The following CHRM3 variants were observed in gnomAD, a reference collection of about 807,000 sequenced individuals.
The protein encoded by CHRM3 is muscarinic acetylcholine receptor M3.
In CHRM3, 11 loss-of-function variants were observed where a neutral mutation model predicts 41.8. The ratio of observed to expected loss-of-function variants is 0.26; its 90% CI spans 0.17 to 0.44. CHRM3 has a LOEUF of 0.44. Among genes scored for constraint, CHRM3 ranks in the 20% least tolerant of loss-of-function variants. The pLI is 1.00. For missense variants in CHRM3, 571 were observed against 745.4 expected, an observed-to-expected ratio of 0.77 and a Z score of 2.72; for synonymous variants, 297 against 301.4, an observed-to-expected ratio of 0.99 and a Z score of 0.15.
intron 5 of CHRM3, among the ~76,000 whole-genome samples, chr1:239,782,046 T>C (rs115437740): frequency 0.02 from 3,069 of 152,224 alleles, 93 homozygotes; most frequent in South Asian, 0.096. Context: ...TGCATCTATG[T>C]TCTTAAGCAA....
rs138993346 is a variant in CHRM3, at chr1:239,619,709, A to T, written c.-312-12515A>T. Among the ~76,000 whole-genome samples the T allele has an allele frequency of 5.2e-3, 795 of 152,118 alleles. 10 individuals are homozygous for T. Among genetic ancestry groups the T allele is most frequent in the African/African-American group, 0.019 (772 of 41,506 alleles). Reference sequence around the variant, plus strand: ...TTCCCCTTTAAAATTGGTTTCTCGAACCCCCATAAACACCATTATTTGGTC... The same window carrying T: ...TTCCCCTTTAAAATTGGTTTCTCGATCCCCCATAAACACCATTATTTGGTC... On this transcript the variant is annotated intron_variant, in intron 3 of 6. Transcript: ENST00000676153.
intron 2 of CHRM3, among the ~76,000 whole-genome samples, chr1:239,497,332 G>A (rs1667948417): frequency 6.6e-6 from 1 of 152,172 alleles, no homozygotes; most frequent in Non-Finnish European, 1.5e-5. Flanking sequence ...TTCATGAAGA[G>A]TAATAATGGC....
intron 3 of CHRM3, among the ~76,000 whole-genome samples, chr1:239,564,659 T>C (rs1161302557): frequency 6.6e-6 from 1 of 152,168 alleles, no homozygotes; most frequent in Non-Finnish European, 1.5e-5. Flanking sequence ...AGTTTTTAGG[T>C]AACAAATTGT....
intron 1 of CHRM3, among the ~76,000 whole-genome samples, chr1:239,459,604 G>A (rs916759674): frequency 6.6e-6 from 1 of 152,120 alleles, no homozygotes; most frequent in African/African-American, 2.4e-5. Context: ...TTAAATGAAA[G>A]CAACATTCAT....
chr1:239,478,831 C>T (rs1465479417), intron 1 of CHRM3, among the ~76,000 whole-genome samples: 1 of 152,058 alleles, frequency 6.6e-6, no homozygotes, highest in East Asian at 1.9e-4. Context: ...TTAGGAGAGA[C>T]AGAATGAGGA....
intron 4 of CHRM3, among the ~76,000 whole-genome samples, chr1:239,662,750 GCTC>G (rs906795728): frequency 1.1e-4 from 17 of 150,842 alleles, no homozygotes; most frequent in Admixed American, 2.6e-4. Flanking sequence ...TTTGTTTTTC[GCTC>G]CTCCTCCTCC....
chr1:239,640,681 A>G (rs61834776), intron 4 of CHRM3, among the ~76,000 whole-genome samples: 4,427 of 149,864 alleles, frequency 0.03, 93 homozygotes, highest in Admixed American at 0.056. Flanking sequence ...TCTTGCTAGC[A>G]GTCTATCAAT....
At chr1:239,757,214 C>A (rs1173846727) in intron 5 of CHRM3, among the ~76,000 whole-genome samples, 6 of 152,064 alleles carry the variant, frequency 3.9e-5, no homozygotes, top group African/African-American at 1.4e-4. Context: ...AATATTTATC[C>A]CAAACTTCAT....
intron 5 of CHRM3, among the ~76,000 whole-genome samples, chr1:239,743,531 C>T (rs973258630): frequency 1.3e-5 from 2 of 152,094 alleles, no homozygotes; most frequent in Non-Finnish European, 2.9e-5. Flanking sequence ...GTCTTGCGGG[C>T]ACTTTACACA....
intron 1 of CHRM3, among the ~76,000 whole-genome samples, chr1:239,440,470 TA>T (rs1663629722): frequency 6.6e-6 from 1 of 152,172 alleles, no homozygotes; most frequent in African/African-American, 2.4e-5. Context: ...AAATATTTAT[TA>T]TTTTTTAATT....
intron 3 of CHRM3, among the ~76,000 whole-genome samples, chr1:239,581,731 G>T (rs1345768072): frequency 2.0e-5 from 3 of 152,138 alleles, no homozygotes. Context: ...TTTTATAAAT[G>T]ATGAATATGA....
chr1:239,470,750 T>C (rs1666060684), intron 1 of CHRM3, among the ~76,000 whole-genome samples: 1 of 152,210 alleles, frequency 6.6e-6, no homozygotes, highest in Non-Finnish European at 1.5e-5. Flanking sequence ...AGCTAGTACA[T>C]CACATCACAT....
intron 4 of CHRM3, among the ~76,000 whole-genome samples, chr1:239,673,168 AT>A (rs1357414119): frequency 2.0e-5 from 3 of 152,124 alleles, no homozygotes; most frequent in African/African-American, 7.2e-5. Flanking sequence ...CAAGCAGAGA[AT>A]GAAGGAGTGG....
chr1:239,484,833 C>T (rs187235938), intron 1 of CHRM3, among the ~76,000 whole-genome samples: 24 of 152,232 alleles, frequency 1.6e-4, no homozygotes, highest in Non-Finnish European at 3.1e-4. Flanking sequence ...ATCTTCTATC[C>T]TTGGGCAGCT....
intron 5 of CHRM3, among the ~76,000 whole-genome samples, chr1:239,683,284 C>G (rs757152508): frequency 1.3e-5 from 2 of 151,910 alleles, no homozygotes; most frequent in Non-Finnish European, 2.9e-5. Context: ...TGAAATTATA[C>G]CAAATCTAGG....
chr1:239,438,764 T>A (rs1663472240), intron 1 of CHRM3, among the ~76,000 whole-genome samples: 1 of 152,186 alleles, frequency 6.6e-6, no homozygotes, highest in Non-Finnish European at 1.5e-5. Context: ...TAAGTGTGCA[T>A]CTAAAAAGAA....
intron 6 of CHRM3, among the ~76,000 whole-genome samples, chr1:239,830,521 G>A (rs60377043): frequency 6.6e-6 from 1 of 152,112 alleles, no homozygotes; most frequent in African/African-American, 2.4e-5. Flanking sequence ...GGACAATATG[G>A]TGAAACCCCG....
chr1:239,704,551 G>A (rs373065183), intron 5 of CHRM3: 2 of 152,246 alleles, frequency 1.3e-5, no homozygotes, highest in East Asian at 3.9e-4. Context: ...TTCACAAGTA[G>A]GTAGATCCCT....
At chr1:239,561,246 C>A (rs2148490082) in intron 3 of CHRM3, among the ~76,000 whole-genome samples, 1 of 152,300 alleles carries the variant, frequency 6.6e-6, no homozygotes, top group Non-Finnish European at 1.5e-5. Flanking sequence ...ACATAACACT[C>A]CTTTGCTTAA....
Sources: allele counts gnomAD v4.1 joint callset (sites outside exome capture counted in the v4.1 genomes callset), GRCh38; gene constraint gnomAD v4.1.1; transcripts MANE v1.5; gene names NCBI Gene and HGNC (gene_info 2026-07-23, HGNC 2026-07-21).